The following FUT8 variants were observed in gnomAD, a reference collection of about 807,000 sequenced individuals.
FUT8 encodes the protein fucosyltransferase 8, also known as alpha-(1,6)-fucosyltransferase.
A neutral mutation model predicts 71.3 loss-of-function variants in FUT8; 29 were observed. The ratio of observed to expected loss-of-function variants is 0.41; its 90% CI spans 0.30 to 0.55. FUT8 has a LOEUF of 0.55. Among genes scored for constraint, FUT8 ranks in the 20% least tolerant of loss-of-function variants. The pLI is 0.34. For missense variants in FUT8, 544 were observed against 702.1 expected (o/e 0.77, Z 2.55); for synonymous variants, 254 against 239.3 (o/e 1.06, Z -0.57).
intron 2 of FUT8, among the ~76,000 whole-genome samples, chr14:65,524,891 T>A (rs1883339945): frequency 6.6e-6 from 1 of 152,252 alleles, no homozygotes; most frequent in African/African-American, 2.4e-5. Flanking sequence ...GATTTATGTA[T>A]GTTGAACGAG....
chr14:65,423,934 G>A (rs1446001172), intron 1 of FUT8, among the ~76,000 whole-genome samples: 2 of 152,100 alleles, frequency 1.3e-5, no homozygotes, highest in African/African-American at 2.4e-5. Context: ...TTTTTACAAT[G>A]GCCCTTATGC....
chr14:65,422,690 T>C (rs1419146852), intron 1 of FUT8, among the ~76,000 whole-genome samples: 3 of 152,006 alleles, frequency 2.0e-5, no homozygotes, highest in African/African-American at 7.2e-5. Context: ...TATTTTTTTG[T>C]AGAGACAGGG....
chr14:65,691,665 G>A (rs1400160754), intron 7 of FUT8, among the ~76,000 whole-genome samples: 2 of 151,914 alleles, frequency 1.3e-5, no homozygotes, highest in Non-Finnish European at 2.9e-5. Context: ...ATTTGGCAGG[G>A]TCATAGGACA....
chr14:65,372,832 C>T, the FUT8 span, among the ~76,000 whole-genome samples: 1 of 152,128 alleles, frequency 6.6e-6, no homozygotes, highest in Non-Finnish European at 1.5e-5. Flanking sequence ...GTTCATTTCT[C>T]CTGAGTTCCT....
Position 65,695,059 on chromosome 14 carries a change from T to G in FUT8, c.835+25579T>G, listed in dbSNP as rs575750161. Among the ~76,000 whole-genome samples the G allele has an allele frequency of 2.3e-4, 35 of 152,102 alleles. No individual in the cohort carries two copies. The South Asian group carries it at 7.1e-3, about 31-fold the overall frequency. ...AGAGTATAATAAATAAATAAATAAT[T>G]TGTTAAGGTGTGTTTTGTAGGCCAG... On this transcript the variant is annotated intron_variant, in intron 7 of 10. Transcript: ENST00000673929.
chr14:65,467,784 T>G lies in FUT8; in HGVS notation c.-228+12066T>G. The G allele has an allele frequency of 1.4e-6, 1 of 693,456 alleles. No individual in the cohort carries two copies. Among genetic ancestry groups the G allele is most frequent in the East Asian group, 2.9e-5 (1 of 34,440 alleles). The allele number at this position is 693,456 out of a possible 1,614,324, so 43.0% of individuals were successfully genotyped here. ...CCACCGTGCCCAGCCAGTCTAGAGG[T>G]CTTTTATTTTTTTTAACACCTGTTA... On this transcript the variant is annotated intron_variant, in intron 2 of 10. Transcript: ENST00000673929. This position sits in a 1 kb window ranked among gnomAD's most constrained non-coding sequence, Gnocchi z 4.1.
At chr14:65,670,680 C>T (rs1434108650) in intron 7 of FUT8, among the ~76,000 whole-genome samples, 1 of 152,026 alleles carries the variant, frequency 6.6e-6, no homozygotes, top group African/African-American at 2.4e-5. Flanking sequence ...GGAGCTATGT[C>T]ATCAGCAAAG....
Position 65,462,380 on chromosome 14 carries a change from G to A in FUT8, c.-228+6662G>A, listed in dbSNP as rs544668923. On this transcript the variant is annotated intron_variant, in intron 2 of 10. Coordinates refer to ENST00000673929, the MANE Select transcript of FUT8 (RefSeq NM_001371533.1). ...AAGAGCATTCTTCAGGTCACTTAAA[G>A]TTAGAAAAATGCTGCACTCTCAGGC... Among the ~76,000 whole-genome samples, 35 of 152,312 alleles carry A rather than the reference G, an allele frequency of 2.3e-4. No individual in the cohort carries two copies. The South Asian group carries it at 7.2e-3, about 32-fold the overall frequency.
intron 7 of FUT8, among the ~76,000 whole-genome samples, chr14:65,719,847 G>A (rs1045929772): frequency 1.3e-5 from 2 of 152,172 alleles, no homozygotes; most frequent in East Asian, 1.9e-4. Context: ...CTTGTAGTTG[G>A]GGGAGTGGTG....
At chr14:65,534,689 C>T (rs968557170) in intron 2 of FUT8, among the ~76,000 whole-genome samples, 6 of 147,366 alleles carry the variant, frequency 4.1e-5, no homozygotes, top group Admixed American at 7.0e-5. Context: ...CCATTTTTTT[C>T]TAGACTTTCT....
At chr14:65,725,600 C>T (rs1170398876) in intron 9 of FUT8, among the ~76,000 whole-genome samples, 1 of 152,132 alleles carries the variant, frequency 6.6e-6, no homozygotes, top group Non-Finnish European at 1.5e-5. Flanking sequence ...CCTGTGTTCC[C>T]CACTCTGTAC....
At chr14:65,395,964 C>G in the FUT8 span, among the ~76,000 whole-genome samples, 1 of 152,226 alleles carries the variant, frequency 6.6e-6, no homozygotes, top group Admixed American at 6.5e-5. Flanking sequence ...TCATCTTCCT[C>G]AAGTTCAAAG....
chr14:65,526,953 A>C (rs745514620), intron 2 of FUT8, among the ~76,000 whole-genome samples: 2,191 of 152,164 alleles, frequency 0.014, 19 homozygotes, highest in Non-Finnish European at 0.018. Flanking sequence ...GATGGGCTTC[A>C]CTTTGTGGGT....
the FUT8 span, among the ~76,000 whole-genome samples, chr14:65,373,640 T>G: frequency 6.6e-6 from 1 of 151,958 alleles, no homozygotes; most frequent in East Asian, 1.9e-4. Context: ...AGCGGCAAAA[T>G]AATGAGCCAC....
chr14:65,580,356 AAATAT>A (rs1887021936), intron 3 of FUT8, among the ~76,000 whole-genome samples: 1 of 151,620 alleles, frequency 6.6e-6, no homozygotes. Context: ...GGTACAGTAA[AAATAT>A]AATCTTGTGG....
At chr14:65,454,580 C>A (rs1261878751) in intron 1 of FUT8, among the ~76,000 whole-genome samples, 1 of 152,074 alleles carries the variant, frequency 6.6e-6, no homozygotes, top group African/African-American at 2.4e-5. Context: ...TTGTAATTGC[C>A]TAAAATTGTT....
chr14:65,671,350 T>G (rs1186867657), intron 7 of FUT8, among the ~76,000 whole-genome samples: 2 of 152,184 alleles, frequency 1.3e-5, no homozygotes, highest in Admixed American at 1.3e-4. Flanking sequence ...CCACAGGGTA[T>G]GAAAATTTAA....
rs10148699 is a variant in FUT8, at chr14:65,732,944, G to A, written c.1260-287G>A. The stretch of plus-strand genomic sequence containing the variant: ...CTCTTAAAAGTCACTCATTACAAAA[G>A]GAAAAAGGAGACTTCAATTTTCAGC... On this transcript the variant is annotated intron_variant, in intron 9 of 10. Coordinates refer to ENST00000673929, the MANE Select transcript of FUT8 (RefSeq NM_001371533.1). Among the ~76,000 whole-genome samples the A allele has an allele frequency of 0.83, 126,118 of 152,130 alleles. 52,536 individuals are homozygous for A. Among genetic ancestry groups the A allele is most frequent in the East Asian group, 1 (5,165 of 5,178 alleles).
chr14:65,698,328 G>A (rs939475838), intron 7 of FUT8, among the ~76,000 whole-genome samples: 5 of 152,150 alleles, frequency 3.3e-5, no homozygotes. Context: ...CAACTGCCTG[G>A]AAAAGTGTAC....
Sources: allele counts gnomAD v4.1 joint callset (sites outside exome capture counted in the v4.1 genomes callset), GRCh38; gene constraint gnomAD v4.1.1; non-coding constraint Gnocchi (gnomAD v3.1); transcripts MANE v1.5; gene names NCBI Gene and HGNC (gene_info 2026-07-23, HGNC 2026-07-21).